Variants in TAFA1 observed in about 807,000 individuals in gnomAD.
TAFA1 encodes chemokine-like protein TAFA-1.
In TAFA1, 4 loss-of-function variants were observed where a neutral mutation model predicts 18.5. The observed-to-expected ratio is 0.22, with a 90% confidence interval of 0.11 to 0.49. The LOEUF is 0.49. Among genes scored for constraint, TAFA1 ranks in the 20% least tolerant of loss-of-function variants. The pLI is 0.98. For synonymous variants in TAFA1, 56 were observed against 55.2 expected (o/e 1.01, Z -0.06); for missense variants, 147 against 169.0 (o/e 0.87, Z 0.72).
At chr3:68,307,742 A>T (rs1039937747) in intron 2 of TAFA1, among the ~76,000 whole-genome samples, 3 of 152,184 alleles carry the variant, frequency 2.0e-5, no homozygotes, top group Non-Finnish European at 4.4e-5. Context: ...TATTAGTTTC[A>T]TCTGGAGAGT....
rs188202616 is a variant in TAFA1 at position 68,355,624 on chromosome 3, G to A, written c.119-61656G>A. On this transcript the variant is annotated intron_variant, in intron 2 of 4. Transcript: ENST00000478136. ...TAAAAATCCCCCAATCCCAGACTGC[G>A]TCATAATTGTGAACATGGTAAAGAG... Among the ~76,000 whole-genome samples, 556 of 152,010 alleles carry A rather than the reference G, an allele frequency of 3.7e-3. 1 individual carries two copies. Among genetic ancestry groups the A allele is most frequent in the Non-Finnish European group, 5.9e-3 (401 of 67,914 alleles).
intron 2 of TAFA1, among the ~76,000 whole-genome samples, chr3:68,059,313 A>T (rs1351943272): frequency 6.6e-6 from 1 of 152,154 alleles, no homozygotes; most frequent in Non-Finnish European, 1.5e-5. Flanking sequence ...TATATGAAAC[A>T]TTTGTTCCTT....
chr3:68,056,581 T>A (rs1474314807), intron 2 of TAFA1, among the ~76,000 whole-genome samples: 2 of 152,084 alleles, frequency 1.3e-5, no homozygotes, highest in African/African-American at 4.8e-5. Context: ...GAAACATTAT[T>A]AAGCCAGATA....
chr3:68,055,798 A>G (rs1314108271), intron 2 of TAFA1, among the ~76,000 whole-genome samples: 1 of 152,086 alleles, frequency 6.6e-6, no homozygotes, highest in African/African-American at 2.4e-5. Context: ...TTCTTTATCT[A>G]TGCTCTGCCT....
At chr3:68,314,904 T>G (rs1320521109) in intron 2 of TAFA1, among the ~76,000 whole-genome samples, 1 of 149,378 alleles carries the variant, frequency 6.7e-6, no homozygotes, top group Non-Finnish European at 1.5e-5. Context: ...ATACACATAT[T>G]GATATATTCT....
At chr3:68,047,106 C>T (rs755546687) in intron 2 of TAFA1, among the ~76,000 whole-genome samples, 1 of 152,154 alleles carries the variant, frequency 6.6e-6, no homozygotes, top group Non-Finnish European at 1.5e-5. Flanking sequence ...TTCTCATCCC[C>T]ATGAGGGTAG....
chr3:68,544,644 CTG>C lies in TAFA1; in HGVS notation c.*147_*148del, dbSNP rs1173648496. The C allele has an allele frequency of 2.5e-6, 2 of 801,946 alleles. No individual in the cohort carries two copies. The highest frequency in any genetic ancestry group is 4.1e-6 in the Non-Finnish European group (2 of 489,670). The allele number at this position is 801,946 out of a possible 1,614,324, so 49.7% of individuals were successfully genotyped here. On this transcript the variant is annotated 3_prime_UTR_variant, in exon 5 of 5. Transcript: ENST00000478136. ...CTACCAGATAATCACAGTGCGTTTA[CTG>C]TGTGTAACGAAATATCCTACAGTGA... is the stretch of plus-strand genomic sequence containing the variant.
chr3:68,305,500 C>T (rs151070216), intron 2 of TAFA1, among the ~76,000 whole-genome samples: 186 of 134,396 alleles, frequency 1.4e-3, no homozygotes, highest in African/African-American at 4.8e-3. Context: ...TGGGGAGACA[C>T]AATTCAACCT....
chr3:68,264,080 C>T (rs974434265), intron 2 of TAFA1, among the ~76,000 whole-genome samples: 2 of 151,938 alleles, frequency 1.3e-5, no homozygotes, highest in East Asian at 3.9e-4. Flanking sequence ...TCACTTGAGG[C>T]CAACATGGTG....
At chr3:68,305,419 A>G (rs1157356058) in intron 2 of TAFA1, among the ~76,000 whole-genome samples, 1 of 47,562 alleles carries the variant, frequency 2.1e-5, no homozygotes, top group Non-Finnish European at 5.0e-5. Context: ...CTATATATAT[A>G]TATATATATA....
At chr3:68,114,814 A>G (rs980341957) in intron 2 of TAFA1, among the ~76,000 whole-genome samples, 1 of 152,212 alleles carries the variant, frequency 6.6e-6, no homozygotes, top group Non-Finnish European at 1.5e-5. Context: ...ATGTCCATCA[A>G]TTGTAAAATG....
intron 2 of TAFA1, among the ~76,000 whole-genome samples, chr3:68,120,171 C>CTTTCTTTCTTTCTTTCTTTCTT (rs1178876848): frequency 8.3e-5 from 7 of 84,486 alleles, no homozygotes; most frequent in African/African-American, 3.1e-4. Flanking sequence ...CTCTTTCTTT[C>CTTTCTTTCTTTCTTTCTTTCTT]TCTTTCTTTC....
intron 2 of TAFA1, among the ~76,000 whole-genome samples, chr3:68,033,103 G>T (rs968948071): frequency 4.6e-5 from 7 of 152,066 alleles, no homozygotes; most frequent in African/African-American, 1.7e-4. Flanking sequence ...ATACAATAAT[G>T]AAAAAGTGGT....
intron 3 of TAFA1, among the ~76,000 whole-genome samples, chr3:68,459,059 G>C (rs551571626): frequency 9.2e-5 from 14 of 152,276 alleles, no homozygotes; most frequent in African/African-American, 2.9e-4. Flanking sequence ...GAATTCTTCA[G>C]AGTTTTTCTC....
intron 2 of TAFA1, among the ~76,000 whole-genome samples, chr3:68,275,375 G>A (rs1158330553): frequency 6.6e-6 from 1 of 152,076 alleles, no homozygotes; most frequent in Non-Finnish European, 1.5e-5. Flanking sequence ...TCAAAAGAAT[G>A]TGTTCTCTTG....
intron 3 of TAFA1, among the ~76,000 whole-genome samples, chr3:68,523,200 C>T (rs1362705239): frequency 6.6e-6 from 1 of 152,220 alleles, no homozygotes; most frequent in Non-Finnish European, 1.5e-5. Flanking sequence ...ACATGAACCC[C>T]ACCCAAAGGA....
Position 68,231,344 on chromosome 3 carries a change from ATTTTTTT to A in TAFA1, c.119-185915_119-185909del, listed in dbSNP as rs1175174572. On this transcript the variant is annotated intron_variant, in intron 2 of 4. Coordinates refer to ENST00000478136, the MANE Select transcript of TAFA1 (RefSeq NM_213609.4). ...ATCTACCCATGCTTTAATCTATTTG[ATTTTTTT>A]TTTTTTTTTTTTTTTTTTTTGAGAC... 3.8e-5 allele frequency among the ~76,000 whole-genome samples: 3 copies of A among 79,876 alleles called. No homozygotes were observed. In the East Asian group the frequency reaches 1.2e-3, roughly 32 times the overall value. 52.4% of individuals were successfully genotyped at this position (79,876 alleles called of 152,430 possible). A position where few individuals can be genotyped will look rare whatever the true frequency, so the allele number is the denominator to read the frequency against.
intron 2 of TAFA1, among the ~76,000 whole-genome samples, chr3:68,118,753 C>A (rs138578469): frequency 0.025 from 3,817 of 152,210 alleles, 85 homozygotes; most frequent in Middle Eastern, 0.048. Context: ...GTATATAATG[C>A]ATTTTACTTA....
intron 2 of TAFA1, among the ~76,000 whole-genome samples, chr3:68,378,643 C>A (rs919520795): frequency 6.6e-6 from 1 of 152,058 alleles, no homozygotes; most frequent in African/African-American, 2.4e-5. Context: ...TTGGGAGGGT[C>A]TAAGAGCAGG....
Sources: gnomAD v4.1 joint callset for allele counts (sites outside exome capture counted in the v4.1 genomes callset) on GRCh38, gnomAD v4.1.1 for gene constraint, MANE v1.5 for transcripts, NCBI Gene and HGNC (gene_info 2026-07-23, HGNC 2026-07-21) for gene names.